The following PTPRT variants were observed in gnomAD, a reference collection of about 807,000 sequenced individuals.
The protein encoded by PTPRT is protein tyrosine phosphatase receptor type T.
Under a neutral mutation model 176.8 loss-of-function variants are expected in PTPRT, and 56 were observed. The ratio of observed to expected loss-of-function variants is 0.32; its 90% CI spans 0.26 to 0.40. PTPRT has a LOEUF of 0.40. PTPRT is among the 10% of genes least tolerant of loss of function. The pLI is 1.00. For missense variants in PTPRT, 1,540 were observed against 1,908.2 expected (o/e 0.81, Z 3.60); for synonymous variants, 783 against 739.0 (o/e 1.06, Z -0.96).
At chr20:42,682,632 T>C (rs1420934973) in intron 6 of PTPRT, among the ~76,000 whole-genome samples, 2 of 152,198 alleles carry the variant, frequency 1.3e-5, no homozygotes, top group Admixed American at 1.3e-4. Context: ...CTTGCCTTCA[T>C]GGAGCTGAGG....
intron 11 of PTPRT, among the ~76,000 whole-genome samples, chr20:42,347,502 C>A (rs2058212012): frequency 1.3e-5 from 2 of 152,030 alleles, no homozygotes; most frequent in Non-Finnish European, 2.9e-5. Flanking sequence ...AGCTCAATAC[C>A]CCTGGGTTGC....
intron 7 of PTPRT, among the ~76,000 whole-genome samples, chr20:42,569,175 C>T (rs1175750092): frequency 7.1e-6 from 1 of 141,716 alleles, no homozygotes; most frequent in Admixed American, 7.3e-5. Flanking sequence ...GCTCACCCAA[C>T]CCTTACAACC....
the PTPRT span, among the ~76,000 whole-genome samples, chr20:42,057,426 C>T: frequency 1.3e-5 from 2 of 152,098 alleles, no homozygotes; most frequent in African/African-American, 4.8e-5. Context: ...GAGACCACAT[C>T]CTGTTGGGTT....
chr20:42,491,157 A>C (rs1050680353), intron 7 of PTPRT, among the ~76,000 whole-genome samples: 2 of 152,210 alleles, frequency 1.3e-5, no homozygotes, highest in Non-Finnish European at 2.9e-5. Flanking sequence ...TTCGTTAGTT[A>C]GTATTTAACA....
chr20:42,534,046 G>A (rs2072432015), intron 7 of PTPRT, among the ~76,000 whole-genome samples: 1 of 152,162 alleles, frequency 6.6e-6, no homozygotes. Context: ...CAGGTCACCT[G>A]GCCAGGGAGG....
At chr20:43,034,794 G>A (rs1986306626) in intron 1 of PTPRT, among the ~76,000 whole-genome samples, 2 of 151,900 alleles carry the variant, frequency 1.3e-5, no homozygotes, top group Admixed American at 1.3e-4. Context: ...CAAACCCAAG[G>A]AATTCCCCAC....
intron 1 of PTPRT, among the ~76,000 whole-genome samples, chr20:43,086,116 C>G (rs745333601): frequency 6.6e-6 from 1 of 152,120 alleles, no homozygotes; most frequent in Non-Finnish European, 1.5e-5. Flanking sequence ...TTCCCTGCAC[C>G]CATTTTCCCT....
At chr20:42,733,609 G>A (rs994288304) in intron 6 of PTPRT, among the ~76,000 whole-genome samples, 3 of 152,328 alleles carry the variant, frequency 2.0e-5, no homozygotes, top group Admixed American at 6.5e-5. Context: ...AGGGCTGCCT[G>A]CCTTCCAGGA....
At chr20:42,302,219 T>C (rs1216694336) in intron 12 of PTPRT, among the ~76,000 whole-genome samples, 1 of 152,182 alleles carries the variant, frequency 6.6e-6, no homozygotes, top group Non-Finnish European at 1.5e-5. Flanking sequence ...TTCTAATAAA[T>C]TGATATTGAG....
chr20:42,066,281 A>T, the PTPRT span, among the ~76,000 whole-genome samples: 1 of 152,078 alleles, frequency 6.6e-6, no homozygotes, highest in Admixed American at 6.5e-5. Context: ...ACCTCAGGTG[A>T]TCTGCCCGCC....
intron 16 of PTPRT, among the ~76,000 whole-genome samples, chr20:42,179,901 C>G (rs777287181): frequency 6.6e-6 from 1 of 152,180 alleles, no homozygotes; most frequent in Non-Finnish European, 1.5e-5. Context: ...GTAGTAATAG[C>G]AGAACCCAGC....
At chr20:42,758,770 T>C (rs1200202498) in intron 5 of PTPRT, among the ~76,000 whole-genome samples, 1 of 152,244 alleles carries the variant, frequency 6.6e-6, no homozygotes, top group African/African-American at 2.4e-5. Context: ...ATGCCAGCTC[T>C]GCAGCTTCCA....
At chr20:42,856,736 A>G (rs891829620) in intron 2 of PTPRT, among the ~76,000 whole-genome samples, 2 of 152,102 alleles carry the variant, frequency 1.3e-5, no homozygotes, top group African/African-American at 4.8e-5. Context: ...ACCCTCATCT[A>G]GTCATCGTCA....
At chr20:43,113,564 T>C (rs1298530946) in intron 1 of PTPRT, among the ~76,000 whole-genome samples, 1 of 152,146 alleles carries the variant, frequency 6.6e-6, no homozygotes, top group African/African-American at 2.4e-5. Context: ...GTCACCTACA[T>C]GGCCAAGACA....
chr20:42,235,807 C>A (rs901943638), intron 15 of PTPRT, among the ~76,000 whole-genome samples: 2 of 152,114 alleles, frequency 1.3e-5, no homozygotes, highest in African/African-American at 2.4e-5. Flanking sequence ...CCAATGAATA[C>A]CTTTCTAAAC....
chr20:42,482,694 T>G (rs1350860507), intron 7 of PTPRT, among the ~76,000 whole-genome samples: 1 of 152,152 alleles, frequency 6.6e-6, no homozygotes, highest in Non-Finnish European at 1.5e-5. Context: ...GGGAAAGGCT[T>G]ATGTCTACAA....
At chr20:42,458,849 T>A (rs1207446502) in intron 8 of PTPRT, among the ~76,000 whole-genome samples, 1 of 152,208 alleles carries the variant, frequency 6.6e-6, no homozygotes, top group East Asian at 1.9e-4. Context: ...TGTCCTTATT[T>A]GTCTACCTGG....
chr20:42,555,397 A>T (rs1226518232), intron 7 of PTPRT, among the ~76,000 whole-genome samples: 2 of 152,194 alleles, frequency 1.3e-5, no homozygotes, highest in Non-Finnish European at 2.9e-5. Flanking sequence ...AAATTTAAAA[A>T]CTAAATAAGT....
At chr20:42,337,185 C>T (rs2058052357) in intron 11 of PTPRT, among the ~76,000 whole-genome samples, 1 of 152,134 alleles carries the variant, frequency 6.6e-6, no homozygotes, top group Non-Finnish European at 1.5e-5. Flanking sequence ...CAGTTAGACT[C>T]ACCATTAGCA....
Sources: gnomAD v4.1 joint callset for allele counts (sites outside exome capture counted in the v4.1 genomes callset) on GRCh38, gnomAD v4.1.1 for gene constraint, MANE v1.5 for transcripts, NCBI Gene and HGNC (gene_info 2026-07-23, HGNC 2026-07-21) for gene names.